The following NELL1 variants were observed in gnomAD, a reference collection of about 807,000 sequenced individuals.
NELL1 encodes the protein protein kinase C-binding protein NELL1.
NELL1 carries 76 observed loss-of-function variants against 107.4 expected under a neutral mutation model. The observed-to-expected ratio is 0.71, with a 90% CI of 0.59 to 0.86. The LOEUF (loss-of-function observed/expected upper bound fraction) is 0.86. NELL1 is among the 40% of genes least tolerant of loss of function. The probability of loss-of-function intolerance (pLI) is 0.00; values close to 1 mark genes in which losing one functional copy is unlikely to be tolerated. For missense variants in NELL1, 1,024 were observed against 1,005.5 expected (o/e 1.02, Z -0.25); for synonymous variants, 353 against 341.2 (o/e 1.03, Z -0.38).
intron 12 of NELL1, among the ~76,000 whole-genome samples, chr11:21,035,047 A>ATTAT (rs1332847021): frequency 1.3e-5 from 2 of 152,112 alleles, no homozygotes; most frequent in Admixed American, 1.3e-4. Flanking sequence ...AGAAGTAATA[A>ATTAT]GGGGGATAAT....
Position 21,477,082 on chromosome 11 carries a change from G to A in NELL1, c.1646-57292G>A, listed in dbSNP as rs544962897. Among the ~76,000 whole-genome samples, 132 of 152,298 alleles carry A rather than the reference G, an allele frequency of 8.7e-4. 2 individuals are homozygous for A. In the South Asian group the frequency reaches 0.026, roughly 30 times the overall value. Reference sequence around the variant, plus strand: ...TTGTGCTTTGCTAGGCTCAGAGCAAGTGGACTAGTGGGACATGTGATGTAG... The same window carrying A: ...TTGTGCTTTGCTAGGCTCAGAGCAAATGGACTAGTGGGACATGTGATGTAG... On this transcript the variant is annotated intron_variant, in intron 15 of 19. Transcript: ENST00000357134.
intron 15 of NELL1, among the ~76,000 whole-genome samples, chr11:21,420,717 T>A (rs1481974262): frequency 3.9e-5 from 6 of 152,024 alleles, no homozygotes; most frequent in African/African-American, 2.4e-5. Flanking sequence ...TTATAAAAAA[T>A]TGTATTAGAG....
chr11:21,333,143 G>A (rs1850309392), intron 14 of NELL1, among the ~76,000 whole-genome samples: 1 of 151,902 alleles, frequency 6.6e-6, no homozygotes, highest in African/African-American at 2.4e-5. Flanking sequence ...CCTTTTAAAA[G>A]GTAAAATTTG....
intron 15 of NELL1, among the ~76,000 whole-genome samples, chr11:21,489,456 A>G (rs575443298): frequency 1.7e-3 from 262 of 149,830 alleles, no homozygotes; most frequent in Non-Finnish European, 3.1e-3. Flanking sequence ...GGCCAACATT[A>G]CCCTGATATC....
intron 14 of NELL1, among the ~76,000 whole-genome samples, chr11:21,364,848 T>G (rs752800087): frequency 6.6e-5 from 10 of 152,144 alleles, no homozygotes; most frequent in Non-Finnish European, 1.3e-4. Flanking sequence ...GGTTCACAGA[T>G]TCTAAAATGC....
chr11:20,728,813 T>C (rs1855565729), intron 2 of NELL1, among the ~76,000 whole-genome samples: 1 of 152,226 alleles, frequency 6.6e-6, no homozygotes, highest in Non-Finnish European at 1.5e-5. Context: ...CCATGTGAAT[T>C]TCATCATAGT....
At chr11:20,705,175 A>G (rs921020444) in intron 2 of NELL1, among the ~76,000 whole-genome samples, 1 of 152,198 alleles carries the variant, frequency 6.6e-6, no homozygotes, top group African/African-American at 2.4e-5. Flanking sequence ...TAAAGTTCAT[A>G]TGGAACCAAA....
chr11:21,222,051 T>C (rs1857770453), intron 13 of NELL1, among the ~76,000 whole-genome samples: 1 of 152,092 alleles, frequency 6.6e-6, no homozygotes, highest in Non-Finnish European at 1.5e-5. Flanking sequence ...TCATTTTCAG[T>C]TTCTTGATTT....
At chr11:21,095,515 A>G (rs941426174) in intron 12 of NELL1, among the ~76,000 whole-genome samples, 2 of 152,190 alleles carry the variant, frequency 1.3e-5, no homozygotes, top group Admixed American at 1.3e-4. Context: ...AGACTGGGCA[A>G]TTTAAAAAAG....
intron 14 of NELL1, among the ~76,000 whole-genome samples, chr11:21,326,246 T>C (rs1850140093): frequency 6.6e-6 from 1 of 151,282 alleles, no homozygotes; most frequent in South Asian, 2.1e-4. Context: ...GAATAGTTTT[T>C]ACTATTCCAC....
chr11:21,469,818 A>G (rs1490319021), intron 15 of NELL1, among the ~76,000 whole-genome samples: 1 of 152,102 alleles, frequency 6.6e-6, no homozygotes, highest in African/African-American at 2.4e-5. Flanking sequence ...AGTATCTTGA[A>G]TCCACAACAT....
intron 9 of NELL1, among the ~76,000 whole-genome samples, chr11:20,930,145 G>T (rs1243940231): frequency 1.3e-5 from 2 of 151,932 alleles, no homozygotes; most frequent in African/African-American, 2.4e-5. Context: ...ACTTTTTGAC[G>T]TTTTTTTAAA....
rs567488821 is a variant in NELL1 at position 21,116,278 on chromosome 11, A to G, written c.1426+2564A>G. On this transcript the variant is annotated intron_variant, in intron 13 of 19. Coordinates refer to ENST00000357134, the MANE Select transcript of NELL1 (RefSeq NM_006157.5). ...CTTTGTCACTTGTCACTCTTGCCCA[A>G]TGTCCCCAGCTATTCTTGTGCTGCT... Among the ~76,000 whole-genome samples the G allele has an allele frequency of 2.2e-4, 33 of 151,980 alleles. No individual in the cohort carries two copies. In the South Asian group the frequency reaches 5.8e-3, roughly 27 times the overall value.
rs1337491294 is a variant in NELL1 at position 20,755,559 on chromosome 11, T to TTTTTATTTTTTTTTTTA, written c.185-28119_185-28118insTTATTTTTTTTTTTATT. On this transcript the variant is annotated intron_variant, in intron 2 of 19. Coordinates refer to ENST00000357134, the MANE Select transcript of NELL1 (RefSeq NM_006157.5). ...GTTTTTGTTTTTTTTTGTTTTTGTT[T>TTTTTATTTTTTTTTTTA]TTGTTTTTTTTTTTTTGAGACAGAA... Among the ~76,000 whole-genome samples, 6 of 17,686 alleles carry TTTTTATTTTTTTTTTTA rather than the reference T, an allele frequency of 3.4e-4. No individual in the cohort carries two copies. The East Asian group carries it at 4.7e-3, about 14-fold the overall frequency. 11.6% of individuals were successfully genotyped at this position (17,686 alleles called of 152,430 possible). A position where few individuals can be genotyped will look rare whatever the true frequency, so the allele number is the denominator to read the frequency against.
chr11:20,978,550 A>G (rs944255803), intron 12 of NELL1, among the ~76,000 whole-genome samples: 2 of 152,160 alleles, frequency 1.3e-5, no homozygotes, highest in Non-Finnish European at 2.9e-5. Flanking sequence ...TGTGTATCTT[A>G]GATAGAAGAC....
intron 15 of NELL1, among the ~76,000 whole-genome samples, chr11:21,419,516 A>C (rs536748543): frequency 6.6e-6 from 1 of 152,254 alleles, no homozygotes; most frequent in South Asian, 2.1e-4. Flanking sequence ...ATAAATCTTT[A>C]CAGCAACTGT....
intron 15 of NELL1, among the ~76,000 whole-genome samples, chr11:21,433,927 G>A (rs966931554): frequency 2.0e-5 from 3 of 151,960 alleles, no homozygotes; most frequent in African/African-American, 7.3e-5. Context: ...TGCCCGCCTC[G>A]GCCTCCCAAA....
At position 21,183,846 on chromosome 11, in the gene NELL1, T is replaced by C. The variant is rs553639218; in HGVS notation, c.1427-45486T>C. On this transcript the variant is annotated intron_variant, in intron 13 of 19. Transcript: ENST00000357134. ...AGGGTTAGAAAATGAGTCACATCTCTGAACAAGTGAGATTGAGGGAGGGTA... is the reference window on the plus strand; with the variant it reads ...AGGGTTAGAAAATGAGTCACATCTCCGAACAAGTGAGATTGAGGGAGGGTA... Among the ~76,000 whole-genome samples the C allele has an allele frequency of 1.4e-3, 211 of 151,974 alleles. 4 individuals are homozygous for C. Among genetic ancestry groups the C allele is most frequent in the African/African-American group, 4.9e-3 (203 of 41,230 alleles).
At chr11:21,350,232 A>G (rs1010165785) in intron 14 of NELL1, among the ~76,000 whole-genome samples, 1 of 152,066 alleles carries the variant, frequency 6.6e-6, no homozygotes, top group African/African-American at 2.4e-5. Context: ...GGGTATAACT[A>G]TTGGATATGG....
Sources: gnomAD v4.1 joint callset for allele counts (sites outside exome capture counted in the v4.1 genomes callset) on GRCh38, gnomAD v4.1.1 for gene constraint, MANE v1.5 for transcripts, NCBI Gene and HGNC (gene_info 2026-07-23, HGNC 2026-07-21) for gene names.